ELK3: variants seen among roughly 807,000 people sequenced by gnomAD.
ELK3 encodes the protein ETS domain-containing protein Elk-3.
ELK3 carries 10 observed loss-of-function variants against 28.9 expected under a neutral mutation model. The ratio of observed to expected loss-of-function variants is 0.35; its 90% CI spans 0.21 to 0.59. ELK3 has a LOEUF of 0.59. Among genes scored for constraint, ELK3 ranks in the 20% least tolerant of loss-of-function variants. ELK3 has a pLI of 0.82. For synonymous variants in ELK3, 272 were observed against 243.5 expected (o/e 1.12, Z -1.09); for missense variants, 463 against 517.3 (o/e 0.90, Z 1.02).
intron 4 of ELK3, 48 bp downstream of exon 4, chr12:96,259,901 GT>G: frequency 6.5e-7 from 1 of 1,531,374 alleles, no homozygotes. Flanking sequence ...CTGAGGGATG[GT>G]TTTTTCTCTA....
At chr12:96,238,660 G>A (rs553291212) in intron 2 of ELK3, among the ~76,000 whole-genome samples, 1 of 152,316 alleles carries the variant, frequency 6.6e-6, no homozygotes, top group Admixed American at 6.5e-5. Context: ...TGGGTCCCCC[G>A]TGCCTCATGT....
chr12:96,224,420 G>C (rs1177073437), intron 2 of ELK3, among the ~76,000 whole-genome samples: 1 of 152,150 alleles, frequency 6.6e-6, no homozygotes, highest in Non-Finnish European at 1.5e-5. Context: ...TAGGAATCCT[G>C]TCTCAGGATT....
rs564372141 is a variant in ELK3 at position 96,199,732 on chromosome 12, C to A, written c.-3+5027C>A. Among the ~76,000 whole-genome samples, 4 of 152,268 alleles carry A rather than the reference C, an allele frequency of 2.6e-5. No individual in the cohort carries two copies. In the East Asian group the frequency reaches 7.7e-4, roughly 29 times the overall value. On this transcript the variant is annotated intron_variant, in intron 1 of 4. Transcript: ENST00000228741. ...AATTGTGATTTGGTTTGAATTCCCA[C>A]TAGGAATAAAGTCATTGACTACTTT...
chr12:96,196,293 C>G (rs1830587224), intron 1 of ELK3, among the ~76,000 whole-genome samples: 1 of 152,068 alleles, frequency 6.6e-6, no homozygotes. Context: ...ACTTTGAAGT[C>G]ACTTTGGCCA....
At chr12:96,231,665 G>A (rs959334720) in intron 2 of ELK3, among the ~76,000 whole-genome samples, 17 of 152,162 alleles carry the variant, frequency 1.1e-4, no homozygotes, top group African/African-American at 3.9e-4. Flanking sequence ...GCTAGGTTTT[G>A]TATTTTTAGT....
At position 96,247,695 on chromosome 12, in the gene ELK3, C is replaced by T; in HGVS notation, c.963C>T (p.Leu321=). ...CCATCGCCCTCAACAGCCCAGCCCT[C>T]CCCTCGGGATCCCTCACCCCAGCCT... ...IGSIALNSPA[L]PSGSLTPAFF... Residue 321 remains leucine, a synonymous_variant, in exon 3 of 5, where the codon CTC becomes CTT. Coordinates refer to ENST00000228741, the MANE Select transcript of ELK3 (RefSeq NM_005230.4). The surrounding 1 kb of genome is among the most constrained non-coding windows in gnomAD (Gnocchi z 5.5). 1 of 1,605,750 alleles carries T rather than the reference C, an allele frequency of 6.2e-7. No homozygotes were observed.
chr12:96,249,386 T>C (rs1442934858), intron 3 of ELK3, among the ~76,000 whole-genome samples: 6 of 152,068 alleles, frequency 3.9e-5, no homozygotes. Context: ...CGCGCGCCAC[T>C]GCGGAGGGGG....
rs1457145892 is a variant in ELK3, at chr12:96,265,582, A to AGGCTGAAGTGGGAGGAT, written c.1126-1494_1126-1478dup. 2.6e-5 allele frequency among the ~76,000 whole-genome samples: 4 copies of AGGCTGAAGTGGGAGGAT among 152,168 alleles called. No homozygotes were observed. In the East Asian group the frequency reaches 7.7e-4, roughly 29 times the overall value. Reference sequence around the variant, plus strand: ...CCACCTGTAGTCCCAGCTACTTAGGAGGCTGAAGTGGGAGGATGGCTGGGA... The same window carrying AGGCTGAAGTGGGAGGAT: ...CCACCTGTAGTCCCAGCTACTTAGGAGGCTGAAGTGGGAGGATGGCTGAAGTGGGAGGATGGCTGGGA... On this transcript the variant is annotated intron_variant, in intron 4 of 4. Coordinates refer to ENST00000228741, the MANE Select transcript of ELK3 (RefSeq NM_005230.4).
Position 96,267,149 on chromosome 12 carries a change from T to G in ELK3, c.1193T>G (p.Val398Gly). The G allele has an allele frequency of 6.2e-7, 1 of 1,613,098 alleles. No individual in the cohort carries two copies. Among genetic ancestry groups the G allele is most frequent in the Non-Finnish European group, 8.5e-7 (1 of 1,179,588 alleles). The change falls in exon 5 of 5, where the codon GTA becomes GGA. Residue 398 changes from valine to glycine, a missense_variant. Physicochemically the swap from Val to Gly is moderately radical, Grantham distance 109. Transcript: ENST00000228741. Reference sequence around the variant, plus strand: ...AGTCTGGACAGAGCTGCTTCTCCAGTACTGCTTTCTTCAAACTCTCAGAAA... The same window carrying G: ...AGTCTGGACAGAGCTGCTTCTCCAGGACTGCTTTCTTCAAACTCTCAGAAA... Reference protein sequence around the residue: ...IPSLDRAASPVLLSSNSQKS With the variant: ...IPSLDRAASPGLLSSNSQKS
At chr12:96,205,643 T>A (rs1374356919) in intron 1 of ELK3, among the ~76,000 whole-genome samples, 5 of 152,290 alleles carry the variant, frequency 3.3e-5, no homozygotes, top group African/African-American at 7.2e-5. Flanking sequence ...TACACCCAGC[T>A]CTTCTTTTCT....
chr12:96,223,844 A>G, intron 2 of ELK3, 71 bp downstream of exon 2: 2 of 1,434,848 alleles, frequency 1.4e-6, no homozygotes, highest in Non-Finnish European at 9.7e-7. Flanking sequence ...CACTGATGAA[A>G]GAAAATAATA....
intron 1 of ELK3, among the ~76,000 whole-genome samples, chr12:96,197,262 A>G (rs534256621): frequency 2.4e-4 from 37 of 152,282 alleles, no homozygotes; most frequent in African/African-American, 7.9e-4. Context: ...GACATTTGGC[A>G]ATGTCTGGAG....
intron 1 of ELK3, among the ~76,000 whole-genome samples, chr12:96,218,849 T>C (rs908593994): frequency 7.9e-5 from 12 of 151,980 alleles, no homozygotes; most frequent in Admixed American, 2.6e-4. Context: ...AGGGTTTCAC[T>C]GTGTTAGCCG....
intron 2 of ELK3, among the ~76,000 whole-genome samples, chr12:96,225,914 C>G (rs1458995450): frequency 2.0e-5 from 3 of 152,130 alleles, no homozygotes; most frequent in African/African-American, 7.2e-5. Flanking sequence ...AGGAGGATCA[C>G]TTGAGTCCAG....
chr12:96,251,177 T>G (rs1255152924), intron 3 of ELK3, among the ~76,000 whole-genome samples: 1 of 152,200 alleles, frequency 6.6e-6, no homozygotes, highest in East Asian at 1.9e-4. Context: ...CTTACTATTA[T>G]GTCTGTTATA....
intron 1 of ELK3, among the ~76,000 whole-genome samples, chr12:96,222,030 G>A (rs1951665521): frequency 6.6e-6 from 1 of 152,012 alleles, no homozygotes; most frequent in African/African-American, 2.4e-5. Flanking sequence ...CAGGACTTCA[G>A]TGTCTCCCTC....
chr12:96,223,891 C>A (rs1356941063), intron 2 of ELK3, 118 bp downstream of exon 2: 9 of 988,180 alleles, frequency 9.1e-6, no homozygotes, highest in African/African-American at 1.6e-5. Context: ...AAAATAGGGG[C>A]AGTGCATACC....
chr12:96,242,427 A>G (rs1055930144), intron 2 of ELK3, among the ~76,000 whole-genome samples: 5 of 152,218 alleles, frequency 3.3e-5, no homozygotes, highest in Admixed American at 1.3e-4. Flanking sequence ...AGGTTCTTAG[A>G]AGATAGCCTG....
intron 4 of ELK3, among the ~76,000 whole-genome samples, chr12:96,265,502 A>G (rs1952023020): frequency 6.6e-6 from 1 of 152,118 alleles, no homozygotes; most frequent in Admixed American, 6.5e-5. Context: ...CCTGGGCAAC[A>G]TGGTGAAACC....
Sources: allele counts gnomAD v4.1 joint callset (sites outside exome capture counted in the v4.1 genomes callset), GRCh38; gene constraint gnomAD v4.1.1; non-coding constraint Gnocchi (gnomAD v3.1); transcripts MANE v1.5; gene names NCBI Gene and HGNC (gene_info 2026-07-23, HGNC 2026-07-21).